Variants in EYS observed in about 807,000 individuals in gnomAD.
EYS encodes EGF-like photoreceptor maintenance factor.
A neutral mutation model predicts 282.1 loss-of-function variants in EYS; 250 were observed. The ratio of observed to expected loss-of-function variants is 0.89; its 90% CI spans 0.80 to 0.98. The LOEUF is 0.98. Among genes scored for constraint, EYS ranks in the 50% least tolerant of loss-of-function variants. EYS has a pLI of 0.00. For missense variants in EYS, 4,016 were observed against 3,709.0 expected, an observed-to-expected ratio of 1.08 and a Z score of -2.15; for synonymous variants, 1,355 against 1,282.9, an observed-to-expected ratio of 1.06 and a Z score of -1.20.
chr6:64,826,642 A>G (rs1030120243), intron 19 of EYS, among the ~76,000 whole-genome samples: 3 of 149,226 alleles, frequency 2.0e-5, no homozygotes, highest in African/African-American at 7.3e-5. Context: ...ATTATAATAG[A>G]AATTATATAT....
chr6:64,369,850 G>A (rs771040850), intron 29 of EYS, among the ~76,000 whole-genome samples: 1 of 151,940 alleles, frequency 6.6e-6, no homozygotes. Flanking sequence ...TGTTGTATAG[G>A]ACTGCTACTG....
intron 26 of EYS, among the ~76,000 whole-genome samples, chr6:64,511,851 GA>G: frequency 6.6e-6 from 1 of 151,924 alleles, no homozygotes; most frequent in Non-Finnish European, 1.5e-5. Flanking sequence ...CACTTCTCCT[GA>G]ACTTAGTTTT....
chr6:64,466,762 T>A (rs531963666), intron 26 of EYS, among the ~76,000 whole-genome samples: 1 of 152,072 alleles, frequency 6.6e-6, no homozygotes, highest in Non-Finnish European at 1.5e-5. Context: ...ACCACAAAAA[T>A]TGATATGTAT....
chr6:64,554,985 C>T (rs1031272743), intron 26 of EYS, among the ~76,000 whole-genome samples: 1 of 151,788 alleles, frequency 6.6e-6, no homozygotes, highest in Admixed American at 6.6e-5. Flanking sequence ...TTAAAAATAG[C>T]ACTACCATAT....
intron 13 of EYS, among the ~76,000 whole-genome samples, chr6:65,046,102 A>G (rs1773092203): frequency 6.6e-6 from 1 of 151,906 alleles, no homozygotes; most frequent in Admixed American, 6.6e-5. Context: ...ATTCATTGAC[A>G]CAAAGAACCT....
At chr6:64,495,779 T>C (rs1776871509) in intron 26 of EYS, among the ~76,000 whole-genome samples, 1 of 151,928 alleles carries the variant, frequency 6.6e-6, no homozygotes, top group Non-Finnish European at 1.5e-5. Flanking sequence ...TCACTAATGA[T>C]TCTCTAGTTT....
intron 24 of EYS, among the ~76,000 whole-genome samples, chr6:64,613,868 A>G (rs1767184933): frequency 6.6e-6 from 1 of 152,166 alleles, no homozygotes; most frequent in South Asian, 2.1e-4. Context: ...GAAGACTCCC[A>G]GAGCATTCTG....
intron 12 of EYS, among the ~76,000 whole-genome samples, chr6:65,179,612 A>G (rs576104943): frequency 1.3e-5 from 2 of 152,148 alleles, no homozygotes; most frequent in Non-Finnish European, 2.9e-5. Context: ...TTCACAGCCG[A>G]ATTCTACCAG....
At chr6:65,251,932 C>A (rs1767335894) in intron 12 of EYS, among the ~76,000 whole-genome samples, 1 of 151,864 alleles carries the variant, frequency 6.6e-6, no homozygotes, top group South Asian at 2.1e-4. Flanking sequence ...TTAAGCAATT[C>A]CGTCATGCTG....
At position 65,557,083 on chromosome 6, in the gene EYS, T is replaced by A. The variant is rs539735757; in HGVS notation, c.-332-61090A>T. 2.6e-5 allele frequency among the ~76,000 whole-genome samples: 4 copies of A among 152,324 alleles called. No homozygotes were observed. In the East Asian group the frequency reaches 5.8e-4, roughly 22 times the overall value. On this transcript the variant is annotated intron_variant, in intron 2 of 42. Coordinates refer to ENST00000503581, the MANE Select transcript of EYS (RefSeq NM_001142800.2). ...GTATAGTTATGGTAAATTGTTGATA[T>A]TCCAAAGTAAATTATAACAAGAATT... is the stretch of plus-strand genomic sequence containing the variant.
chr6:63,984,616 T>G lies in EYS; in HGVS notation c.6835-13A>C. ...ATTCAAAATATGCCTGTAGAAAAAGTAACAACAAAAAATATTATAGGTTGT... is the reference window on the plus strand; with the variant it reads ...ATTCAAAATATGCCTGTAGAAAAAGGAACAACAAAAAATATTATAGGTTGT... On this transcript the variant is annotated splice_polypyrimidine_tract_variant and intron_variant, in intron 34 of 42. Coordinates refer to ENST00000503581, the MANE Select transcript of EYS (RefSeq NM_001142800.2). The G allele has an allele frequency of 2.0e-6, 3 of 1,511,138 alleles. No individual in the cohort carries two copies. The highest frequency in any genetic ancestry group is 2.7e-6 in the Non-Finnish European group (3 of 1,112,370). 93.6% of individuals were successfully genotyped at this position (1,511,138 alleles called of 1,614,324 possible). A position where few individuals can be genotyped will look rare whatever the true frequency, so the allele number is the denominator to read the frequency against.
intron 2 of EYS, among the ~76,000 whole-genome samples, chr6:65,627,547 C>T (rs1430566030): frequency 6.6e-6 from 1 of 152,102 alleles, no homozygotes; most frequent in African/African-American, 2.4e-5. Context: ...GAGCAGGAAC[C>T]GGGGCTGCCT....
intron 29 of EYS, among the ~76,000 whole-genome samples, chr6:64,318,231 T>A (rs1453217948): frequency 6.6e-6 from 1 of 152,066 alleles, no homozygotes; most frequent in Non-Finnish European, 1.5e-5. Context: ...GTCTTACATT[T>A]CTAAATATAT....
intron 28 of EYS, among the ~76,000 whole-genome samples, chr6:64,425,611 G>A (rs1482325937): frequency 1.5e-5 from 2 of 135,850 alleles, no homozygotes; most frequent in African/African-American, 5.7e-5. Context: ...CTGAGATCAC[G>A]CCATTGCACT....
intron 36 of EYS, among the ~76,000 whole-genome samples, chr6:63,810,589 G>A (rs1771022981): frequency 6.6e-6 from 1 of 152,048 alleles, no homozygotes; most frequent in Non-Finnish European, 1.5e-5. Flanking sequence ...TGTAAACTTG[G>A]GTAAGTTATT....
chr6:63,867,243 G>T (rs1224895193), intron 35 of EYS, among the ~76,000 whole-genome samples: 1 of 152,082 alleles, frequency 6.6e-6, no homozygotes, highest in Non-Finnish European at 1.5e-5. Flanking sequence ...CTGTGAATTA[G>T]TCACTGCTTA....
At chr6:64,238,432 T>C (rs944616875) in intron 30 of EYS, among the ~76,000 whole-genome samples, 4 of 152,188 alleles carry the variant, frequency 2.6e-5, no homozygotes, top group Non-Finnish European at 5.9e-5. Context: ...CAAGTGGTTT[T>C]TGGTTATATG....
chr6:64,570,557 G>A (rs1421600565), intron 26 of EYS, among the ~76,000 whole-genome samples: 2 of 150,900 alleles, frequency 1.3e-5, no homozygotes, highest in Admixed American at 6.6e-5. Flanking sequence ...TGTCTCACGT[G>A]TATAGGCTCA....
At chr6:64,389,916 A>ACACC (rs1773051766) in intron 28 of EYS, among the ~76,000 whole-genome samples, 1 of 151,878 alleles carries the variant, frequency 6.6e-6, no homozygotes. Flanking sequence ...GTGGGTGTGC[A>ACACC]CACCGTGCGC....
Sources: allele counts gnomAD v4.1 joint callset (sites outside exome capture counted in the v4.1 genomes callset), GRCh38; gene constraint gnomAD v4.1.1; transcripts MANE v1.5; gene names NCBI Gene and HGNC (gene_info 2026-07-23, HGNC 2026-07-21).